SENP1: variants seen among roughly 807,000 people sequenced by gnomAD.
The protein encoded by SENP1 is SUMO specific peptidase 1, also known as sentrin-specific protease 1.
In SENP1, 21 loss-of-function variants were observed where a neutral mutation model predicts 93.0. The observed-to-expected ratio is 0.23, with a 90% CI of 0.16 to 0.33. The LOEUF (loss-of-function observed/expected upper bound fraction) is 0.33, where lower values mean the gene tolerates loss of function less well. Among genes scored for constraint, SENP1 ranks in the 10% least tolerant of loss-of-function variants. The probability of loss-of-function intolerance (pLI) is 1.00; values close to 1 mark genes in which losing one functional copy is unlikely to be tolerated. For synonymous variants in SENP1, 256 were observed against 259.6 expected (o/e 0.99, Z 0.13); for missense variants, 591 against 758.7 (o/e 0.78, Z 2.60).
chr12:48,101,348 C>A (rs539629240), intron 2 of SENP1, 121 bp downstream of exon 2: 45 of 766,114 alleles, frequency 5.9e-5, no homozygotes, highest in African/African-American at 5.6e-4. Flanking sequence ...ATTAAAATTT[C>A]TCTTAAAATT....
At chr12:48,088,512 A>C in intron 5 of SENP1, 1 of 356,926 alleles carries the variant, frequency 2.8e-6, no homozygotes, top group Non-Finnish European at 5.1e-6. Flanking sequence ...ACTGATTTTC[A>C]CTTTAAGATT....
chr12:48,048,655 C>G (rs1565730528), intron 14 of SENP1, among the ~76,000 whole-genome samples: 1 of 152,000 alleles, frequency 6.6e-6, no homozygotes, highest in African/African-American at 2.4e-5. Flanking sequence ...TAATAAGTCA[C>G]TTTTTTTCCC....
intron 13 of SENP1, 38 bp downstream of exon 13, chr12:48,063,672 T>A (rs148040786): frequency 6.3e-7 from 1 of 1,589,634 alleles, no homozygotes; most frequent in East Asian, 2.2e-5. Context: ...TGCCACTTAA[T>A]GTTTACTATT....
intron 8 of SENP1, 64 bp downstream of exon 8, chr12:48,074,260 T>G: frequency 2.4e-6 from 3 of 1,273,514 alleles, no homozygotes; most frequent in Non-Finnish European, 3.3e-6. Context: ...TTGCCTGTAA[T>G]GAGCTAATGA....
chr12:48,062,607 T>C (rs1306578435), intron 13 of SENP1, among the ~76,000 whole-genome samples: 1 of 152,216 alleles, frequency 6.6e-6, no homozygotes, highest in Non-Finnish European at 1.5e-5. Context: ...CTAAGACCAG[T>C]ATCCAATTTA....
intron 17 of SENP1, 135 bp downstream of exon 17, chr12:48,046,221 G>A: frequency 1.6e-6 from 1 of 621,318 alleles, no homozygotes; most frequent in Non-Finnish European, 2.9e-6. Context: ...AACCATCAGT[G>A]TTATGAATCA....
chr12:48,048,841 G>T, intron 14 of SENP1, 88 bp downstream of exon 14: 1 of 929,010 alleles, frequency 1.1e-6, no homozygotes, highest in Non-Finnish European at 1.7e-6. Context: ...ATAATCAAGG[G>T]AACATGTAGA....
intron 13 of SENP1, among the ~76,000 whole-genome samples, chr12:48,052,215 A>G (rs1486732637): frequency 4.6e-5 from 7 of 152,224 alleles, no homozygotes; most frequent in Non-Finnish European, 1.0e-4. Flanking sequence ...ACAATGACAT[A>G]AACGACCAAT....
chr12:48,092,071 T>C (rs911065880), intron 4 of SENP1, among the ~76,000 whole-genome samples: 1 of 152,174 alleles, frequency 6.6e-6, no homozygotes, highest in African/African-American at 2.4e-5. Context: ...GAGAGGCAGA[T>C]TTTTAAAAAG....
At chr12:48,080,744 T>C (rs1013772635) in intron 6 of SENP1, among the ~76,000 whole-genome samples, 2 of 152,228 alleles carry the variant, frequency 1.3e-5, no homozygotes, top group Non-Finnish European at 2.9e-5. Context: ...CCCAATATTT[T>C]GTATTATTCA....
chr12:48,103,373 T>C (rs1946085183), intron 1 of SENP1, among the ~76,000 whole-genome samples: 1 of 152,204 alleles, frequency 6.6e-6, no homozygotes, highest in Non-Finnish European at 1.5e-5. Flanking sequence ...TCAAACATTA[T>C]ACAACTTCAA....
intron 9 of SENP1, among the ~76,000 whole-genome samples, chr12:48,069,636 C>T (rs909931874): frequency 1.3e-5 from 2 of 152,274 alleles, no homozygotes; most frequent in Non-Finnish European, 1.5e-5. Flanking sequence ...AGTGTTTTAT[C>T]TGTAAGTTAA....
intron 9 of SENP1, among the ~76,000 whole-genome samples, chr12:48,070,367 C>T (rs2137008221): frequency 6.6e-6 from 1 of 152,258 alleles, no homozygotes; most frequent in East Asian, 1.9e-4. Flanking sequence ...TCCTCCCAAT[C>T]CTACTCTATA....
chr12:48,048,130 T>A (rs375793112), intron 14 of SENP1, 50 bp from the exon 15 acceptor site: 7 of 1,267,194 alleles, frequency 5.5e-6, no homozygotes, highest in Non-Finnish European at 8.0e-6. Flanking sequence ...AGAAAATCGG[T>A]TTATCAGTTT....
rs542779675 is a variant in SENP1, at chr12:48,044,172, C to T, written c.*1150G>A. 29 of 151,750 alleles carry T rather than the reference C, an allele frequency of 1.9e-4. No homozygotes were observed. The highest frequency in any genetic ancestry group is 6.8e-4 in the African/African-American group (28 of 41,254). 9.4% of individuals were successfully genotyped at this position (151,750 alleles called of 1,614,324 possible). The stretch of plus-strand genomic sequence containing the variant: ...ATATCACCTCCCTCTGTAACCTCTA[C>T]CCATATGGCAAAGTTCATCCAGGCC... On this transcript the variant is annotated 3_prime_UTR_variant, in exon 18 of 18. Coordinates refer to ENST00000549518, the MANE Select transcript of SENP1 (RefSeq NM_001267594.2).
chr12:48,065,168 C>A lies in SENP1; in HGVS notation c.1172G>T (p.Arg391Leu), dbSNP rs1306793498. The change falls in exon 12 of 18, where the codon CGT becomes CTT. Residue 391 changes from arginine (R) to leucine (L), a missense_variant. Coordinates refer to ENST00000549518, the MANE Select transcript of SENP1 (RefSeq NM_001267594.2). Reference sequence around the variant, plus strand: ...AGGAATCTCCTTTTCAAGAGGTACACGAAGATGTAGTTCTACTGAATCATG... The same window carrying A: ...AGGAATCTCCTTTTCAAGAGGTACAAGAAGATGTAGTTCTACTGAATCATG... The part of the protein sequence containing the change: ...SVHDSVELHL[R>L]VPLEKEIPVT... The A allele has an allele frequency of 2.8e-5, 45 of 1,609,230 alleles. No individual in the cohort carries two copies. The highest frequency in any genetic ancestry group is 3.7e-5 in the Non-Finnish European group (44 of 1,176,154).
Position 48,065,609 on chromosome 12 carries a change from T to C in SENP1, c.1106A>G (p.Gln369Arg). 1.3e-6 allele frequency: 2 copies of C among 1,555,740 alleles called. No homozygotes were observed. Among genetic ancestry groups the C allele is most frequent in the Non-Finnish European group, 1.7e-6 (2 of 1,147,384 alleles). ...QIEEQKALAL[Q>R]LQNQRLQERE... ...TTTCTTTTTTACCTGGTTTTGAAGCTGTAAGGCCAATGCCTTCTGTTCTTC... is the reference window on the plus strand; with the variant it reads ...TTTCTTTTTTACCTGGTTTTGAAGCCGTAAGGCCAATGCCTTCTGTTCTTC... Residue 369 changes from glutamine (Q) to arginine (R), a missense_variant, in exon 11 of 18, where the codon CAG (glutamine) becomes CGG (arginine). Around this residue, in one of 4 missense-constraint regions of SENP1, gnomAD observed 238 missense variants for 259.1 expected, o/e 0.92. Transcript: ENST00000549518.
intron 2 of SENP1, among the ~76,000 whole-genome samples, chr12:48,100,465 T>G (rs919908198): frequency 8.6e-5 from 13 of 152,008 alleles, no homozygotes; most frequent in African/African-American, 2.4e-4. Flanking sequence ...ACCCCATCTC[T>G]ACCGAAAATA....
chr12:48,055,149 A>G (rs935339879), intron 13 of SENP1: 2 of 258,074 alleles, frequency 7.7e-6, no homozygotes, highest in Non-Finnish European at 1.5e-5. Flanking sequence ...CAGGGGAGCC[A>G]CATTTGCCAC....
Sources: gnomAD v4.1 joint callset for allele counts (sites outside exome capture counted in the v4.1 genomes callset) on GRCh38, gnomAD v4.1.1 for gene constraint, gnomAD v4.1.1 regional missense constraint, MANE v1.5 for transcripts, NCBI Gene and HGNC (gene_info 2026-07-23, HGNC 2026-07-21) for gene names.